PADI6: variants seen among roughly 807,000 people sequenced by gnomAD.
The protein encoded by PADI6 is inactive protein-arginine deiminase type-6.
PADI6 carries 66 observed loss-of-function variants against 78.2 expected under a neutral mutation model. That is an observed-to-expected ratio of 0.84 (90% CI 0.69 to 1.04). The LOEUF (loss-of-function observed/expected upper bound fraction) is 1.04, where lower values mean the gene tolerates loss of function less well. PADI6 is among the 50% of genes least tolerant of loss of function. PADI6 has a pLI of 0.00. For synonymous variants in PADI6, 397 were observed against 346.9 expected (o/e 1.14, Z -1.60); for missense variants, 854 against 866.1 (o/e 0.99, Z 0.18).
intron 3 of PADI6, among the ~76,000 whole-genome samples, chr1:17,376,515 ATTTT>A (rs35288737): frequency 6.7e-6 from 1 of 148,978 alleles, no homozygotes; most frequent in South Asian, 2.1e-4. Flanking sequence ...TAGTGGGCTA[ATTTT>A]TTTTATTTTT....
At chr1:17,372,451 C>T (rs1369269982) in intron 1 of PADI6, 90 bp downstream of exon 1, 3 of 1,210,266 alleles carry the variant, frequency 2.5e-6, no homozygotes, top group East Asian at 2.3e-5. Context: ...TTGGGGGTTA[C>T]TTCTCTAGCC....
chr1:17,393,235 T>TA (rs2075208329), intron 9 of PADI6, among the ~76,000 whole-genome samples: 1 of 152,166 alleles, frequency 6.6e-6, no homozygotes, highest in Non-Finnish European at 1.5e-5. Flanking sequence ...AAGGCAGGGC[T>TA]ACCTCCTGGT....
intron 6 of PADI6, among the ~76,000 whole-genome samples, chr1:17,383,959 G>A (rs1280725044): frequency 6.6e-6 from 1 of 152,128 alleles, no homozygotes; most frequent in East Asian, 1.9e-4. Context: ...GACCAGCCCG[G>A]CCAACATGGC....
At chr1:17,382,199 C>T (rs2075079514) in intron 6 of PADI6, 107 bp downstream of exon 6, 1 of 1,383,400 alleles carries the variant, frequency 7.2e-7, no homozygotes, top group Non-Finnish European at 9.9e-7. Context: ...TGCTGGAGAC[C>T]TAGAGCTGCA....
In PADI6 at chr1:17,401,422, G is replaced by A. The variant is rs2075300476; in HGVS notation, c.2069G>A (p.Trp690Ter). The A allele has an allele frequency of 4.3e-6, 7 of 1,613,944 alleles. No individual in the cohort carries two copies. The highest frequency in any genetic ancestry group is 1.3e-5 in the African/African-American group (1 of 75,070). Residue 690 changes from tryptophan to a stop codon, truncating the protein, a stop_gained, in exon 16 of 16, where the codon TGG becomes TAG. Coordinates refer to ENST00000619609, the MANE Select transcript of PADI6 (RefSeq NM_207421.4). LOFTEE classifies it high-confidence loss of function. ...CGGGTGCCCTTTGCCTTCAAATGGT[G>A]GAAGATGGTACCTTAGACCCAGGCC... ...IRRVPFAFKW[W>*]KMVP
intron 7 of PADI6, 57 bp downstream of exon 7, chr1:17,388,616 C>A: frequency 6.6e-7 from 1 of 1,504,824 alleles, no homozygotes; most frequent in South Asian, 1.2e-5. Context: ...GGGGAAAAGC[C>A]ATCTCCCACA....
At chr1:17,379,342 C>A (rs1265119777) in intron 3 of PADI6, among the ~76,000 whole-genome samples, 1 of 150,602 alleles carries the variant, frequency 6.6e-6, no homozygotes, top group Non-Finnish European at 1.5e-5. Context: ...TCTCGATCTC[C>A]TGACCTCGTG....
intron 14 of PADI6, 31 bp from the exon 15 acceptor site, chr1:17,398,655 C>CTG: frequency 1.2e-5 from 1 of 81,706 alleles, no homozygotes; most frequent in Non-Finnish European, 2.4e-5. Context: ...TGCTCCCCCG[C>CTG]CCCCCCCCCC....
chr1:17,389,400 C>T (rs1243926047), intron 8 of PADI6, among the ~76,000 whole-genome samples: 1 of 152,274 alleles, frequency 6.6e-6, no homozygotes, highest in South Asian at 2.1e-4. Context: ...CACTTAGGGG[C>T]CCTGGTTCCT....
At chr1:17,378,955 T>TG (rs200989865) in intron 3 of PADI6, among the ~76,000 whole-genome samples, 27,194 of 136,036 alleles carry the variant, frequency 0.2, 2,914 homozygotes, top group African/African-American at 0.29. Flanking sequence ...GAATTTTTTT[T>TG]GGGGGGGGGG....
At chr1:17,382,113 T>C in intron 6 of PADI6, 21 bp downstream of exon 6, 1 of 1,612,090 alleles carries the variant, frequency 6.2e-7, no homozygotes, top group South Asian at 1.1e-5. Flanking sequence ...TTGTGCCAGC[T>C]CCAGCTTTGC....
chr1:17,399,252 C>T (rs933665321), intron 15 of PADI6, among the ~76,000 whole-genome samples: 4 of 152,228 alleles, frequency 2.6e-5, no homozygotes, highest in African/African-American at 9.6e-5. Flanking sequence ...TGTCCGCTAT[C>T]TCCAGGGTCC....
chr1:17,391,958 G>A (rs1427785503), intron 8 of PADI6, among the ~76,000 whole-genome samples, 156 bp from the exon 9 acceptor site: 1 of 152,266 alleles, frequency 6.6e-6, no homozygotes, highest in Non-Finnish European at 1.5e-5. Flanking sequence ...TCTGGCTTGT[G>A]CCGAGGTCAG....
intron 9 of PADI6, among the ~76,000 whole-genome samples, chr1:17,392,901 C>G (rs1482507848): frequency 1.3e-5 from 2 of 152,138 alleles, no homozygotes; most frequent in African/African-American, 4.8e-5. Context: ...AGCCTGTAAT[C>G]CCAACACATT....
At chr1:17,394,567 T>A in intron 11 of PADI6, 113 bp downstream of exon 11, 1 of 1,162,188 alleles carries the variant, frequency 8.6e-7, no homozygotes, top group Non-Finnish European at 1.2e-6. Context: ...GACCATTTCT[T>A]AAACTGAAGA....
chr1:17,375,975 C>CTTTTTTTTTTTT (rs575076756), intron 3 of PADI6, among the ~76,000 whole-genome samples: 3 of 150,234 alleles, frequency 2.0e-5, no homozygotes, highest in African/African-American at 7.5e-5. Flanking sequence ...ATAACATCTA[C>CTTTTTTTTTTTT]TTTTTTTTTC....
intron 6 of PADI6, among the ~76,000 whole-genome samples, chr1:17,385,907 C>G (rs2075114592): frequency 6.6e-6 from 1 of 152,142 alleles, no homozygotes; most frequent in Non-Finnish European, 1.5e-5. Flanking sequence ...AAGCTCAGCT[C>G]AAATCATCAG....
chr1:17,378,944 T>A (rs1181613590), intron 3 of PADI6, among the ~76,000 whole-genome samples: 2 of 133,326 alleles, frequency 1.5e-5, no homozygotes, highest in Non-Finnish European at 3.1e-5. Context: ...TGTCATGTAT[T>A]GAATTTTTTT....
At chr1:17,382,564 C>T (rs1289965674) in intron 6 of PADI6, among the ~76,000 whole-genome samples, 1 of 152,194 alleles carries the variant, frequency 6.6e-6, no homozygotes. Flanking sequence ...CCACGCCATC[C>T]ACCACCCATC....
Sources: gnomAD v4.1 joint callset for allele counts (sites outside exome capture counted in the v4.1 genomes callset) on GRCh38, gnomAD v4.1.1 for gene constraint, MANE v1.5 for transcripts, NCBI Gene and HGNC (gene_info 2026-07-23, HGNC 2026-07-21) for gene names.